Variants in SEPTIN2 observed in about 807,000 individuals in gnomAD.
SEPTIN2 encodes the protein septin-2.
Under a neutral mutation model 46.5 loss-of-function variants are expected in SEPTIN2, and 34 were observed. The observed-to-expected ratio is 0.73, with a 90% CI of 0.56 to 0.97. The LOEUF (loss-of-function observed/expected upper bound fraction) is 0.97. SEPTIN2 is among the 50% of genes least tolerant of loss of function. The pLI is 0.00. For synonymous variants in SEPTIN2, 175 were observed against 153.4 expected (o/e 1.14, Z -1.04); for missense variants, 347 against 448.4 (o/e 0.77, Z 2.04).
intron 12 of SEPTIN2, among the ~76,000 whole-genome samples, chr2:241,350,531 A>C (rs2060691475): frequency 6.6e-6 from 1 of 152,188 alleles, no homozygotes; most frequent in African/African-American, 2.4e-5. Flanking sequence ...CACTTTTATT[A>C]GTTGTATTAT....
At position 241,335,203 on chromosome 2, in the gene SEPTIN2, G is replaced by A. The variant is rs1195018203; in HGVS notation, c.208G>A (p.Gly70Arg). 2 of 1,613,108 alleles carry A rather than the reference G, an allele frequency of 1.2e-6. No homozygotes were observed. Among genetic ancestry groups the A allele is most frequent in the Non-Finnish European group, 1.7e-6 (2 of 1,179,474 alleles). Residue 70 changes from glycine to arginine, a missense_variant, in exon 4 of 13, where the codon GGA (glycine) becomes AGA (arginine). By Grantham distance (125) the Gly-to-Arg change is moderately radical (BLOSUM62 -2). Coordinates refer to ENST00000391971, the MANE Select transcript of SEPTIN2 (RefSeq NM_004404.5). ...TDLYPERVIP[G>R]AAEKIERTVQ... ...TCTGTACCCAGAAAGAGTCATACCT[G>A]GAGCAGCAGGTAAAAACATTCTTAT...
At chr2:241,342,953 A>C (rs1361290285) in intron 7 of SEPTIN2, 39 bp from the exon 8 acceptor site, 2 of 1,095,838 alleles carry the variant, frequency 1.8e-6, no homozygotes, top group African/African-American at 3.1e-5. Flanking sequence ...TAACATACGC[A>C]GTTTGCTAAA....
At chr2:241,320,397 G>A (rs1438539321) in intron 1 of SEPTIN2, 1 of 440,052 alleles carries the variant, frequency 2.3e-6, no homozygotes, top group Non-Finnish European at 4.7e-6. Flanking sequence ...TTCAGATTTG[G>A]GGCCATTTTG....
At chr2:241,335,946 A>G in intron 4 of SEPTIN2, 29 bp from the exon 5 acceptor site, 3 of 1,614,048 alleles carry the variant, frequency 1.9e-6, no homozygotes, top group Non-Finnish European at 2.5e-6. Flanking sequence ...TGCTGCTTAT[A>G]TTCCCTATTA....
At chr2:241,344,363 A>G (rs550482471) in intron 9 of SEPTIN2, among the ~76,000 whole-genome samples, 1 of 152,156 alleles carries the variant, frequency 6.6e-6, no homozygotes, top group African/African-American at 2.4e-5. Flanking sequence ...TTTATTATTA[A>G]TAGCAATTAC....
chr2:241,332,189 T>G (rs1042311966), intron 3 of SEPTIN2, among the ~76,000 whole-genome samples: 1 of 152,228 alleles, frequency 6.6e-6, no homozygotes, highest in African/African-American at 2.4e-5. Context: ...TAAAAACAAT[T>G]GTGCATTATT....
intron 4 of SEPTIN2, 144 bp from the exon 5 acceptor site, chr2:241,335,831 T>A (rs1006261938): frequency 2.0e-6 from 2 of 993,090 alleles, no homozygotes; most frequent in Non-Finnish European, 3.1e-6. Flanking sequence ...TTCTCTGGGA[T>A]CTTTTTTTCT....
intron 11 of SEPTIN2, 44 bp from the exon 12 acceptor site, chr2:241,350,029 G>A (rs1170553021): frequency 1.3e-6 from 2 of 1,583,248 alleles, no homozygotes; most frequent in Non-Finnish European, 1.7e-6. Flanking sequence ...AATGTTCAAA[G>A]ACAGCAAACC....
chr2:241,340,752 C>T (rs1219923806), intron 7 of SEPTIN2, among the ~76,000 whole-genome samples: 1 of 152,152 alleles, frequency 6.6e-6, no homozygotes, highest in African/African-American at 2.4e-5. Context: ...TTATCCCTTC[C>T]TTCTTGGGCC....
chr2:241,338,719 A>C, intron 7 of SEPTIN2, among the ~76,000 whole-genome samples: 1 of 71,842 alleles, frequency 1.4e-5, no homozygotes, highest in African/African-American at 4.8e-5. Context: ...TATTTATATA[A>C]TATATTATAT....
chr2:241,321,942 C>G (rs2077193442), intron 1 of SEPTIN2, among the ~76,000 whole-genome samples: 1 of 152,102 alleles, frequency 6.6e-6, no homozygotes, highest in African/African-American at 2.4e-5. Flanking sequence ...TTAGGAAGTT[C>G]TACTCCTCCA....
chr2:241,316,652 A>T (rs570066923), intron 1 of SEPTIN2: 1 of 858,722 alleles, frequency 1.2e-6, no homozygotes, highest in Non-Finnish European at 1.7e-6. Flanking sequence ...GTCTCAGTGG[A>T]GTCCCAACTG....
rs546924557 is a variant in SEPTIN2 at position 241,353,645 on chromosome 2, G to A, written c.*1708G>A. The stretch of plus-strand genomic sequence containing the variant: ...ATTGTGTGAAGGTAACTAAGAAGTG[G>A]TGTTCCATGACTTCAGAGTACATCC... On this transcript the variant is annotated 3_prime_UTR_variant, in exon 13 of 13. Transcript: ENST00000391971. The A allele has an allele frequency of 6.6e-6, 1 of 152,642 alleles. No individual in the cohort carries two copies. The highest frequency in any genetic ancestry group is 2.1e-4 in the South Asian group (1 of 4,832). 9.5% of individuals were successfully genotyped at this position (152,642 alleles called of 1,614,324 possible).
At chr2:241,335,666 T>A (rs2079836557) in intron 4 of SEPTIN2, 1 of 568,994 alleles carries the variant, frequency 1.8e-6, no homozygotes, top group Non-Finnish European at 3.1e-6. Flanking sequence ...TGCAAGAATA[T>A]GTAGCCCTTT....
At chr2:241,344,901 C>T (rs916516606) in intron 9 of SEPTIN2, among the ~76,000 whole-genome samples, 4 of 151,766 alleles carry the variant, frequency 2.6e-5, no homozygotes, top group African/African-American at 9.7e-5. Flanking sequence ...CCAGCCTGGC[C>T]GACATGGTGA....
At chr2:241,330,537 TGATA>T (rs2078826938) in intron 3 of SEPTIN2, among the ~76,000 whole-genome samples, 1 of 152,182 alleles carries the variant, frequency 6.6e-6, no homozygotes, top group African/African-American at 2.4e-5. Context: ...GAAAGATAGC[TGATA>T]GATATTTAGG....
At chr2:241,328,715 CG>C (rs1273151405) in intron 3 of SEPTIN2, among the ~76,000 whole-genome samples, 1 of 151,590 alleles carries the variant, frequency 6.6e-6, no homozygotes, top group African/African-American at 2.4e-5. Context: ...GCACTCCAGC[CG>C]GGGCAACAAG....
intron 3 of SEPTIN2, among the ~76,000 whole-genome samples, chr2:241,330,129 A>G (rs1402401906): frequency 6.6e-6 from 1 of 152,202 alleles, no homozygotes; most frequent in Non-Finnish European, 1.5e-5. Context: ...GGACATCTTA[A>G]TTAAATCTTA....
At position 241,337,562 on chromosome 2, in the gene SEPTIN2, G is replaced by GT. The variant is rs760186586; in HGVS notation, c.476+47dup. Reference sequence around the variant, plus strand: ...GAGAAATGCTTTACTACATGGGTTTGTAAGTTTTACCCAAACTGTGTATTT... The same window carrying GT: ...GAGAAATGCTTTACTACATGGGTTTGTTAAGTTTTACCCAAACTGTGTATTT... On this transcript the variant is annotated intron_variant, in intron 6 of 12. Transcript: ENST00000391971. 23 of 1,603,078 alleles carry GT rather than the reference G, an allele frequency of 1.4e-5. 1 individual carries two copies. In the East Asian group the frequency reaches 1.6e-4, roughly 11 times the overall value.
Sources: gnomAD v4.1 joint callset for allele counts (sites outside exome capture counted in the v4.1 genomes callset) on GRCh38, gnomAD v4.1.1 for gene constraint, MANE v1.5 for transcripts, NCBI Gene and HGNC (gene_info 2026-07-23, HGNC 2026-07-21) for gene names.